UBE2S: variants seen among roughly 807,000 people sequenced by gnomAD.
UBE2S encodes the protein ubiquitin-conjugating enzyme E2 S.
UBE2S carries 3 observed loss-of-function variants against 12.3 expected under a neutral mutation model. The observed-to-expected ratio is 0.24, with a 90% CI of 0.11 to 0.63. UBE2S has a LOEUF of 0.63. Among genes scored for constraint, UBE2S ranks in the 30% least tolerant of loss-of-function variants. The pLI is 0.85. For synonymous variants in UBE2S, 133 were observed against 142.0 expected (o/e 0.94, Z 0.45); for missense variants, 211 against 313.9 (o/e 0.67, Z 2.48).
At position 55,401,403 on chromosome 19, in the gene UBE2S, T is replaced by C. The variant is rs775660863; in HGVS notation, c.*33A>G. 17 of 1,472,048 alleles carry C rather than the reference T, an allele frequency of 1.2e-5. No homozygotes were observed. The highest frequency in any genetic ancestry group is 8.4e-5 in the African/African-American group (6 of 71,596). The allele number at this position is 1,472,048 out of a possible 1,614,324, so 91.2% of individuals were successfully genotyped here. On this transcript the variant is annotated 3_prime_UTR_variant, in exon 4 of 4. Coordinates refer to ENST00000264552, the MANE Select transcript of UBE2S (RefSeq NM_014501.3). ...AGTTGGAGGGAGGGGACAGGAGAGG[T>C]TGGGGTCACGGTGGAAGGAGGAAGA... is the stretch of plus-strand genomic sequence containing the variant.
chr19:55,403,246 T>G, intron 3 of UBE2S: 1 of 597,488 alleles, frequency 1.7e-6, no homozygotes. Context: ...CTGAACTGTA[T>G]ACTTTGGAAC....
rs547183178 is a variant in UBE2S at position 55,401,565 on chromosome 19, G to T, written c.540C>A (p.Thr180=). The T allele has an allele frequency of 1.9e-6, 3 of 1,610,158 alleles. No homozygotes were observed. Among genetic ancestry groups the T allele is most frequent in the South Asian group, 2.2e-5 (2 of 90,954 alleles). ...ALASGTEASS[T]DPGAPGGPGG... ...CCGGGCCCCCTGGGGCCCCAGGGTC[G>T]GTGGAGGAAGCTTCAGTGCCACTGG... Residue 180 remains threonine (T), a synonymous_variant, in exon 4 of 4, where the codon ACC becomes ACA. Transcript: ENST00000264552.
rs144579162 is a variant in UBE2S at position 55,401,730 on chromosome 19, G to C, written c.375C>G (p.Pro125=). Residue 125 remains proline (P), a synonymous_variant, in exon 4 of 4, where the codon CCC becomes CCG. Coordinates refer to ENST00000264552, the MANE Select transcript of UBE2S (RefSeq NM_014501.3). ...TIKCLLIHPN[P]ESALNEEAGR... Reference sequence around the variant, plus strand: ...CCGCCTCCTCGTTGAGTGCAGACTCGGGGTTAGGGTGGATCAGCAGGCACT... The same window carrying C: ...CCGCCTCCTCGTTGAGTGCAGACTCCGGGTTAGGGTGGATCAGCAGGCACT... The C allele has an allele frequency of 1.5e-5, 25 of 1,613,216 alleles. No individual in the cohort carries two copies. In the Admixed American group the frequency reaches 4.0e-4, roughly 26 times the overall value.
chr19:55,403,532 AAAGAAAG>A (rs2090076555), intron 3 of UBE2S, among the ~76,000 whole-genome samples: 1 of 148,844 alleles, frequency 6.7e-6, no homozygotes, highest in African/African-American at 2.4e-5. Context: ...AAGAAAAAGG[AAAGAAAG>A]AAGAAAGAAA....
chr19:55,402,891 C>G, intron 3 of UBE2S: 1 of 1,457,204 alleles, frequency 6.9e-7, no homozygotes, highest in South Asian at 1.3e-5. Flanking sequence ...ACCCTCTCTG[C>G]CATGTGCCCC....
intron 2 of UBE2S, among the ~76,000 whole-genome samples, chr19:55,406,515 C>G (rs934500778): frequency 1.3e-5 from 2 of 152,184 alleles, no homozygotes; most frequent in African/African-American, 4.8e-5. Flanking sequence ...ACCTGGAGCT[C>G]TCTTCCCATT....
chr19:55,401,834 G>A (rs1323292061), intron 3 of UBE2S, 72 bp from the exon 4 acceptor site: 7 of 1,537,954 alleles, frequency 4.6e-6, no homozygotes, highest in Non-Finnish European at 5.4e-6. Flanking sequence ...ACAAGAGGGT[G>A]GCCTCCGCAC....
At position 55,401,336 on chromosome 19, in the gene UBE2S, C is replaced by A. The variant is rs2090055976; in HGVS notation, c.*100G>T. On this transcript the variant is annotated 3_prime_UTR_variant, in exon 4 of 4. Coordinates refer to ENST00000264552, the MANE Select transcript of UBE2S (RefSeq NM_014501.3). ...AATCCAGGTCCCAGTGCCCCCTGTACCCTCCCCGACCCCAGCCATAATTTA... is the reference window on the plus strand; with the variant it reads ...AATCCAGGTCCCAGTGCCCCCTGTAACCTCCCCGACCCCAGCCATAATTTA... 1.0e-5 allele frequency: 10 copies of A among 981,620 alleles called. No individual in the cohort carries two copies. The South Asian group carries it at 1.5e-4, about 14-fold the overall frequency. 60.8% of individuals were successfully genotyped at this position (981,620 alleles called of 1,614,324 possible).
Position 55,401,554 on chromosome 19 carries a change from G to A in UBE2S, c.551C>T (p.Ala184Val), listed in dbSNP as rs1373745648. 3 of 1,610,382 alleles carry A rather than the reference G, an allele frequency of 1.9e-6. No homozygotes were observed. Among genetic ancestry groups the A allele is most frequent in the Non-Finnish European group, 2.5e-6 (3 of 1,179,620 alleles). ...CTCAGCCCCTCCCGGGCCCCCTGGG[G>A]CCCCAGGGTCGGTGGAGGAAGCTTC... ...GTEASSTDPG[A>V]PGGPGGAEGP... Residue 184 changes from alanine to valine, a missense_variant, in exon 4 of 4, where the codon GCC (alanine) becomes GTC (valine). Transcript: ENST00000264552.
In UBE2S at chr19:55,404,626, T is replaced by C; in HGVS notation, c.152-148A>G. 1 of 735,948 alleles carries C rather than the reference T, an allele frequency of 1.4e-6. No individual in the cohort carries two copies. The highest frequency in any genetic ancestry group is 2.2e-6 in the Non-Finnish European group (1 of 454,316). The allele number at this position is 735,948 out of a possible 1,614,324, so 45.6% of individuals were successfully genotyped here. A position where few individuals can be genotyped will look rare whatever the true frequency, so the allele number is the denominator to read the frequency against. On this transcript the variant is annotated intron_variant, in intron 2 of 3. Transcript: ENST00000264552. This position sits in a 1 kb window ranked among gnomAD's most constrained non-coding sequence, Gnocchi z 4.4. ...CAGACTGGAGGATTCTTTTTTTCTT[T>C]TTTTGAAATAAGGTCTCTTGTGTCA...
rs2090049341 is a variant in UBE2S, at chr19:55,400,505, G to C, written c.*931C>G. On this transcript the variant is annotated 3_prime_UTR_variant, in exon 4 of 4. Transcript: ENST00000264552. Reference sequence around the variant, plus strand: ...TCATTATCACTTAAGTATCTGGATGGGCCTGACCTAATCCGGTGAGCACCT... The same window carrying C: ...TCATTATCACTTAAGTATCTGGATGCGCCTGACCTAATCCGGTGAGCACCT... 6.6e-6 allele frequency: 1 copy of C among 152,156 alleles called. No individual in the cohort carries two copies. Among genetic ancestry groups the C allele is most frequent in the East Asian group, 1.9e-4 (1 of 5,198 alleles). The allele number at this position is 152,156 out of a possible 1,614,324, so 9.4% of individuals were successfully genotyped here. A position where few individuals can be genotyped will look rare whatever the true frequency, so the allele number is the denominator to read the frequency against.
chr19:55,407,759 C>A lies in UBE2S; in HGVS notation c.-170G>T, dbSNP rs139976763. 0.027 allele frequency: 11,487 copies of A among 420,496 alleles called. 221 individuals are homozygous for A. The highest frequency in any genetic ancestry group is 0.033 in the Non-Finnish European group (8,440 of 258,898). 26.0% of individuals were successfully genotyped at this position (420,496 alleles called of 1,614,324 possible). Reference sequence around the variant, plus strand: ...CCGCCGCGCACAGCGTAGACCAACCCGCCGCCCCGGTGCCCGGCAGCACTG... The same window carrying A: ...CCGCCGCGCACAGCGTAGACCAACCAGCCGCCCCGGTGCCCGGCAGCACTG... On this transcript the variant is annotated 5_prime_UTR_variant, in exon 1 of 4. Coordinates refer to ENST00000264552, the MANE Select transcript of UBE2S (RefSeq NM_014501.3).
Position 55,404,541 on chromosome 19 carries a change from C to CAA in UBE2S, c.152-65_152-64dup. On this transcript the variant is annotated intron_variant, in intron 2 of 3. Coordinates refer to ENST00000264552, the MANE Select transcript of UBE2S (RefSeq NM_014501.3). The surrounding 1 kb of genome is among the most constrained non-coding windows in gnomAD (Gnocchi z 4.4). ...GGAGTCCCAAGGCACCTCAACACCC[C>CAA]AAAGTCCAGTCTCCACGGTCTGATT... 2 of 1,444,194 alleles carry CAA rather than the reference C, an allele frequency of 1.4e-6. No homozygotes were observed. The highest frequency in any genetic ancestry group is 2.7e-5 in the South Asian group (2 of 73,816). The allele number at this position is 1,444,194 out of a possible 1,614,324, so 89.5% of individuals were successfully genotyped here.
chr19:55,402,579 C>G (rs2090068220), intron 3 of UBE2S, among the ~76,000 whole-genome samples: 1 of 152,192 alleles, frequency 6.6e-6, no homozygotes, highest in Admixed American at 6.5e-5. Flanking sequence ...ATACACAGTA[C>G]CTGGCTCAGC....
chr19:55,403,068 G>A, intron 3 of UBE2S: 1 of 1,330,220 alleles, frequency 7.5e-7, no homozygotes, highest in South Asian at 1.2e-5. Flanking sequence ...CTCGTACGCT[G>A]CAGGATTTGG....
Position 55,401,076 on chromosome 19 carries a change from G to C in UBE2S, c.*360C>G. 1 of 270,946 alleles carries C rather than the reference G, an allele frequency of 3.7e-6. No individual in the cohort carries two copies. The highest frequency in any genetic ancestry group is 7.0e-6 in the Non-Finnish European group (1 of 142,038). The allele number at this position is 270,946 out of a possible 1,614,324, so 16.8% of individuals were successfully genotyped here. ...TCGCCCCATTTTAGATTGGAAATCT[G>C]ACTCCAAAGAGGGGTTGTGACCGCT... On this transcript the variant is annotated 3_prime_UTR_variant, in exon 4 of 4. Coordinates refer to ENST00000264552, the MANE Select transcript of UBE2S (RefSeq NM_014501.3).
chr19:55,402,293 CTCTG>C (rs1205091894), intron 3 of UBE2S, among the ~76,000 whole-genome samples: 3 of 152,226 alleles, frequency 2.0e-5, no homozygotes, highest in Non-Finnish European at 4.4e-5. Flanking sequence ...AAATCCTGAC[CTCTG>C]TCTTTTATCA....
In UBE2S at chr19:55,403,397, G is replaced by A. The variant is rs2090075258; in HGVS notation, c.342+891C>T. 1.4e-5 allele frequency: 5 copies of A among 370,172 alleles called. No homozygotes were observed. In the South Asian group the frequency reaches 2.8e-4, roughly 21 times the overall value. The allele number at this position is 370,172 out of a possible 1,614,324, so 22.9% of individuals were successfully genotyped here. A position where few individuals can be genotyped will look rare whatever the true frequency, so the allele number is the denominator to read the frequency against. ...CCAGCCATTCAGGAAGCTGAGGCAG[G>A]AAGATCACCTGAGCCCAGGAGTTCA... On this transcript the variant is annotated intron_variant, in intron 3 of 3. Coordinates refer to ENST00000264552, the MANE Select transcript of UBE2S (RefSeq NM_014501.3).
intron 3 of UBE2S, 42 bp from the exon 4 acceptor site, chr19:55,401,804 A>G: frequency 6.2e-7 from 1 of 1,607,764 alleles, no homozygotes; most frequent in South Asian, 1.1e-5. Flanking sequence ...CGGGCAACCT[A>G]CAGGGACCCC....
Sources: gnomAD v4.1 joint callset for allele counts (sites outside exome capture counted in the v4.1 genomes callset) on GRCh38, gnomAD v4.1.1 for gene constraint, Gnocchi (gnomAD v3.1) non-coding constraint, MANE v1.5 for transcripts, NCBI Gene and HGNC (gene_info 2026-07-23, HGNC 2026-07-21) for gene names.